Variants in ZNF66 observed in about 807,000 individuals in gnomAD.
ZNF66 encodes the protein zinc finger protein 66.
A neutral mutation model predicts 35.2 loss-of-function variants in ZNF66; 32 were observed. The ratio of observed to expected loss-of-function variants is 0.91; its 90% CI spans 0.69 to 1.22. The LOEUF (loss-of-function observed/expected upper bound fraction) is 1.22, where lower values mean the gene tolerates loss of function less well. Among genes scored for constraint, ZNF66 ranks in the 50% most tolerant of loss-of-function variants. ZNF66 has a pLI of 0.00. For synonymous variants in ZNF66, 231 were observed against 181.3 expected (o/e 1.27, Z -2.20); for missense variants, 666 against 543.1 (o/e 1.23, Z -2.25).
chr19:20,793,332 C>CTTTTTTTTTTTTTTTT (rs781748526), intron 2 of ZNF66, among the ~76,000 whole-genome samples: 3 of 84,606 alleles, frequency 3.5e-5, no homozygotes, highest in Non-Finnish European at 4.3e-5. Flanking sequence ...CTTTTCTTTT[C>CTTTTTTTTTTTTTTTT]TTTTTTTTTT....
Position 20,809,810 on chromosome 19 carries a change from C to G in ZNF66, c.*2488C>G, listed in dbSNP as rs144067634. Among the ~76,000 whole-genome samples, 122,429 of 151,876 alleles carry G rather than the reference C, an allele frequency of 0.81. 49,488 individuals carry two copies. The highest frequency in any genetic ancestry group is 0.83 in the Non-Finnish European group (56,297 of 67,974). The stretch of plus-strand genomic sequence containing the variant: ...TAACCAGCTAACATCATAATGACAG[C>G]ATCAAATTCTCACATAACAATATTA... On this transcript the variant is annotated 3_prime_UTR_variant, in exon 4 of 4. Transcript: ENST00000344519.
intron 3 of ZNF66, among the ~76,000 whole-genome samples, chr19:20,804,172 T>C (rs1318130926): frequency 6.6e-6 from 1 of 151,978 alleles, no homozygotes; most frequent in Non-Finnish European, 1.5e-5. Flanking sequence ...TATTCTCATT[T>C]TTCTGATCTT....
chr19:20,801,651 A>G (rs887225787), intron 3 of ZNF66, among the ~76,000 whole-genome samples: 1 of 151,468 alleles, frequency 6.6e-6, no homozygotes, highest in Non-Finnish European at 1.5e-5. Flanking sequence ...GGCCTCATGT[A>G]TTTTTGAGAT....
chr19:20,799,997 G>T (rs1237508516), intron 3 of ZNF66, among the ~76,000 whole-genome samples: 1 of 152,188 alleles, frequency 6.6e-6, no homozygotes, highest in Admixed American at 6.5e-5. Flanking sequence ...AACACACAGT[G>T]TATAATTTTA....
rs533491436 is a variant in ZNF66, at chr19:20,793,918, A to G, written c.226+40A>G. The stretch of plus-strand genomic sequence containing the variant: ...AAATGAATACAACAGACAACACAGT[A>G]AGAAGTCCAAGGTCAAAAAGAAAGC... On this transcript the variant is annotated intron_variant, in intron 3 of 3. Transcript: ENST00000344519. The G allele has an allele frequency of 1.6e-4, 151 of 937,368 alleles. No homozygotes were observed. The African/African-American group carries it at 2.4e-3, about 15-fold the overall frequency. 58.1% of individuals were successfully genotyped at this position (937,368 alleles called of 1,614,324 possible).
chr19:20,792,561 G>A lies in ZNF66; in HGVS notation c.53G>A (p.Trp18Ter), dbSNP rs765448280. Residue 18 changes from tryptophan (W) to a stop codon, truncating the protein, a stop_gained, in exon 2 of 4, where the codon TGG (tryptophan) becomes TAG (stop). Coordinates refer to ENST00000344519, the MANE Select transcript of ZNF66 (RefSeq NM_001355197.2). LOFTEE classifies it high-confidence loss of function. The stretch of plus-strand genomic sequence containing the variant: ...GCCATAGAATTCTCTCTGGAGGAGT[G>A]GCATTGCCTGGACATGGCACAGCGG... ...DVAIEFSLEE[W>*]HCLDMAQRNL... 1 of 1,528,714 alleles carries A rather than the reference G, an allele frequency of 6.5e-7. No individual in the cohort carries two copies. Among genetic ancestry groups the A allele is most frequent in the South Asian group, 1.1e-5 (1 of 88,028 alleles). 94.7% of individuals were successfully genotyped at this position (1,528,714 alleles called of 1,614,324 possible).
intron 1 of ZNF66, among the ~76,000 whole-genome samples, chr19:20,787,380 A>T (rs1971296236): frequency 1.3e-5 from 2 of 152,112 alleles, no homozygotes; most frequent in Non-Finnish European, 1.5e-5. Flanking sequence ...TCATGAGGGG[A>T]TCTCTACTTA....
intron 1 of ZNF66, among the ~76,000 whole-genome samples, chr19:20,789,838 G>C (rs1290883357): frequency 6.6e-6 from 1 of 152,136 alleles, no homozygotes; most frequent in Admixed American, 6.6e-5. Context: ...ATGCTCTTGA[G>C]CACACAGTAT....
chr19:20,809,635 G>C lies in ZNF66; in HGVS notation c.*2313G>C, dbSNP rs557928554. Among the ~76,000 whole-genome samples the C allele has an allele frequency of 1.0e-3, 152 of 152,068 alleles. No individual in the cohort carries two copies. The highest frequency in any genetic ancestry group is 3.5e-3 in the African/African-American group (146 of 41,480). On this transcript the variant is annotated 3_prime_UTR_variant, in exon 4 of 4. Transcript: ENST00000344519. ...CTTTACAGACAAGCAAATGCTGAGA[G>C]ATTTTGTCACCACCAGGCCTGCCCT...
chr19:20,808,916 C>G lies in ZNF66; in HGVS notation c.*1594C>G, dbSNP rs1424822327. Among the ~76,000 whole-genome samples, 3 of 147,878 alleles carry G rather than the reference C, an allele frequency of 2.0e-5. No homozygotes were observed. The highest frequency in any genetic ancestry group is 3.0e-5 in the Non-Finnish European group (2 of 66,300). On this transcript the variant is annotated 3_prime_UTR_variant, in exon 4 of 4. Transcript: ENST00000344519. Reference sequence around the variant, plus strand: ...CTACTCCGAGCTACAGGAGGAAATTCAAACCAAAGGCAAAGAAGTTAAAAA... The same window carrying G: ...CTACTCCGAGCTACAGGAGGAAATTGAAACCAAAGGCAAAGAAGTTAAAAA...
chr19:20,806,660 T>G lies in ZNF66; in HGVS notation c.1060T>G (p.Ser354Ala), dbSNP rs1367181006. ...ATGTGGCAAAGGCTTTAAGTACTCC[T>G]CTACCCTTACTAAACATAAAATAAT... ...EECGKGFKYS[S>A]TLTKHKIIHT... Residue 354 changes from serine to alanine, a missense_variant, in exon 4 of 4, where the codon TCT (serine) becomes GCT (alanine). By Grantham distance (99) the Ser-to-Ala change is moderately conservative. Transcript: ENST00000344519. 3.9e-6 allele frequency: 6 copies of G among 1,520,750 alleles called. No individual in the cohort carries two copies. In the Admixed American group the frequency reaches 8.4e-5, roughly 21 times the overall value. 94.2% of individuals were successfully genotyped at this position (1,520,750 alleles called of 1,614,324 possible). A position where few individuals can be genotyped will look rare whatever the true frequency, so the allele number is the denominator to read the frequency against.
chr19:20,805,126 T>TGTGTGTGTGTGTGTGAGAGAGA (rs752355466), intron 3 of ZNF66, among the ~76,000 whole-genome samples: 8 of 146,080 alleles, frequency 5.5e-5, no homozygotes, highest in African/African-American at 1.8e-4. Context: ...TGTGTGTGTG[T>TGTGTGTGTGTGTGTGAGAGAGA]GAGAGAGAGA....
At chr19:20,801,511 T>C (rs34408954) in intron 3 of ZNF66, among the ~76,000 whole-genome samples, 14,237 of 151,960 alleles carry the variant, frequency 0.094, 790 homozygotes, top group Non-Finnish European at 0.12. Context: ...ACCTGGCTAA[T>C]TTTTTGCATT....
intron 3 of ZNF66, among the ~76,000 whole-genome samples, chr19:20,795,250 G>C (rs1014592140): frequency 6.6e-5 from 10 of 151,878 alleles, no homozygotes; most frequent in African/African-American, 2.4e-4. Context: ...CATTGACAAT[G>C]GACACAATAT....
intron 3 of ZNF66, among the ~76,000 whole-genome samples, chr19:20,799,632 A>G (rs754002483): frequency 2.6e-5 from 4 of 152,186 alleles, no homozygotes; most frequent in Non-Finnish European, 5.9e-5. Flanking sequence ...ATTCAAGGAA[A>G]TAATCCAACT....
At position 20,807,418 on chromosome 19, in the gene ZNF66, CT is replaced by C; in HGVS notation, c.*100del. On this transcript the variant is annotated 3_prime_UTR_variant, in exon 4 of 4. Transcript: ENST00000344519. ...GGGAAAGACTTTAACCAGCTATCAACTTTTACTAAATATGAGAATTTATGGA... is the reference window on the plus strand; with the variant it reads ...GGGAAAGACTTTAACCAGCTATCAACTTTACTAAATATGAGAATTTATGGA... The C allele has an allele frequency of 1.8e-6, 1 of 555,414 alleles. No individual in the cohort carries two copies. The highest frequency in any genetic ancestry group is 2.9e-5 in the South Asian group (1 of 34,800). The allele number at this position is 555,414 out of a possible 1,614,324, so 34.4% of individuals were successfully genotyped here.
chr19:20,805,396 C>A (rs561706889), intron 3 of ZNF66, among the ~76,000 whole-genome samples: 1 of 152,066 alleles, frequency 6.6e-6, no homozygotes, highest in African/African-American at 2.4e-5. Context: ...TTCTCACCAT[C>A]TTGGCCAGGC....
rs377604131 is a variant in ZNF66, at chr19:20,808,108, C to G, written c.*786C>G. 6.6e-6 allele frequency among the ~76,000 whole-genome samples: 1 copy of G among 152,188 alleles called. No individual in the cohort carries two copies. Among genetic ancestry groups the G allele is most frequent in the African/African-American group, 2.4e-5 (1 of 41,456 alleles). On this transcript the variant is annotated 3_prime_UTR_variant, in exon 4 of 4. Transcript: ENST00000344519. ...TATGCCCATGGAGTCTCACTGATTG[C>G]TAGCACAGCAGTCTGAGATCAAACT... is the stretch of plus-strand genomic sequence containing the variant.
Position 20,808,494 on chromosome 19 carries a change from A to G in ZNF66, c.*1172A>G, listed in dbSNP as rs1971549699. Among the ~76,000 whole-genome samples, 1 of 152,082 alleles carries G rather than the reference A, an allele frequency of 6.6e-6. No individual in the cohort carries two copies. The highest frequency in any genetic ancestry group is 1.5e-5 in the Non-Finnish European group (1 of 68,010). On this transcript the variant is annotated 3_prime_UTR_variant, in exon 4 of 4. Transcript: ENST00000344519. ...TCACACGGCTGGGTACTCCTCATAT[A>G]AAACTTCCAGAGGACCGATCAGGCA...
Sources: gnomAD v4.1 joint callset for allele counts (sites outside exome capture counted in the v4.1 genomes callset) on GRCh38, gnomAD v4.1.1 for gene constraint, MANE v1.5 for transcripts, NCBI Gene and HGNC (gene_info 2026-07-23, HGNC 2026-07-21) for gene names.